GALNT14: variants seen among roughly 807,000 people sequenced by gnomAD.
GALNT14 encodes the protein UDP-GalNAc:polypeptide N-acetylgalactosaminyltransferase 14.
Under a neutral mutation model 77.5 loss-of-function variants are expected in GALNT14, and 60 were observed. The ratio of observed to expected loss-of-function variants is 0.77; its 90% CI spans 0.63 to 0.96. The LOEUF is 0.96. GALNT14 is among the 40% of genes least tolerant of loss of function. The pLI is 0.00. For missense variants in GALNT14, 710 were observed against 731.0 expected, an observed-to-expected ratio of 0.97 and a Z score of 0.33; for synonymous variants, 280 against 281.7, an observed-to-expected ratio of 0.99 and a Z score of 0.06.
chr2:30,908,333 T>G (rs2148188525), downstream of GALNT14, among the ~76,000 whole-genome samples: 1 of 152,134 alleles, frequency 6.6e-6, no homozygotes, highest in South Asian at 2.1e-4. Context: ...GCCCAAAATC[T>G]TAAGCTGATA....
At chr2:31,099,500 T>C (rs1677162238) in intron 1 of GALNT14, among the ~76,000 whole-genome samples, 2 of 152,106 alleles carry the variant, frequency 1.3e-5, no homozygotes, top group Admixed American at 6.6e-5. Flanking sequence ...GCACCCTGTG[T>C]GTTTCCTTCT....
intron 1 of GALNT14, among the ~76,000 whole-genome samples, chr2:31,115,630 G>A (rs988551599): frequency 1.3e-5 from 2 of 152,230 alleles, no homozygotes; most frequent in East Asian, 3.8e-4. Flanking sequence ...AGTTCTAGAA[G>A]TGTTAAATTA....
intron 1 of GALNT14, among the ~76,000 whole-genome samples, chr2:31,084,145 G>A (rs144526679): frequency 3.9e-5 from 6 of 152,300 alleles, no homozygotes; most frequent in African/African-American, 1.2e-4. Context: ...TGGCCACTGT[G>A]TGGGATACTT....
intron 2 of GALNT14, among the ~76,000 whole-genome samples, chr2:30,970,588 G>A (rs751190851): frequency 6.6e-6 from 1 of 152,064 alleles, no homozygotes; most frequent in African/African-American, 2.4e-5. Flanking sequence ...CCATGGAGAC[G>A]ACGCAGTTAA....
intron 1 of GALNT14, among the ~76,000 whole-genome samples, chr2:31,091,520 A>T (rs1404262732): frequency 6.6e-6 from 1 of 152,272 alleles, no homozygotes; most frequent in Non-Finnish European, 1.5e-5. Context: ...GAAAGGATCT[A>T]GAATGAGTCA....
intron 11 of GALNT14, among the ~76,000 whole-genome samples, chr2:30,926,050 A>G (rs540774248): frequency 3.4e-4 from 52 of 152,132 alleles, no homozygotes; most frequent in African/African-American, 1.1e-3. Context: ...TTCCTGTCCA[A>G]CTCACTTCCT....
intron 1 of GALNT14, among the ~76,000 whole-genome samples, chr2:31,051,650 T>C (rs77878787): frequency 0.017 from 2,540 of 152,236 alleles, 74 homozygotes; most frequent in African/African-American, 0.057. Flanking sequence ...CTCTGTTTCT[T>C]TGAAGAACCT....
chr2:30,896,645 TTGTG>T, the GALNT14 span, among the ~76,000 whole-genome samples: 16 of 152,242 alleles, frequency 1.1e-4, no homozygotes, highest in Admixed American at 9.8e-4. Context: ...AGTATTTCTC[TTGTG>T]TGTGTGTGTT....
At chr2:31,132,828 A>G in intron 1 of GALNT14, 1 of 429,388 alleles carries the variant, frequency 2.3e-6, no homozygotes, top group East Asian at 7.3e-5. Context: ...ATGGTTTAGG[A>G]GTCATGCAGC....
chr2:31,101,407 C>A (rs867089291), intron 1 of GALNT14, among the ~76,000 whole-genome samples: 5 of 152,020 alleles, frequency 3.3e-5, no homozygotes, highest in South Asian at 2.1e-4. Flanking sequence ...TGTTTCTCTT[C>A]TTTTTCTATG....
At position 31,092,839 on chromosome 2, in the gene GALNT14, G is replaced by A. The variant is rs114807661; in HGVS notation, c.129+45119C>T. Among the ~76,000 whole-genome samples the A allele has an allele frequency of 3.5e-3, 527 of 152,236 alleles. 1 individual carries two copies. The highest frequency in any genetic ancestry group is 0.012 in the African/African-American group (510 of 41,556). ...ACATGGGTACCCTTTCATTAGGTTGGTGCAAAAGTAATTGTGGTTTGGGCC... is the reference window on the plus strand; with the variant it reads ...ACATGGGTACCCTTTCATTAGGTTGATGCAAAAGTAATTGTGGTTTGGGCC... On this transcript the variant is annotated intron_variant, in intron 1 of 14. Coordinates refer to ENST00000349752, the MANE Select transcript of GALNT14 (RefSeq NM_024572.4).
the GALNT14 span, among the ~76,000 whole-genome samples, chr2:30,891,786 G>A: frequency 3.9e-5 from 6 of 152,050 alleles, no homozygotes; most frequent in Non-Finnish European, 8.8e-5. Flanking sequence ...GCCTCTCCCC[G>A]AGAGAATGAG....
intron 6 of GALNT14, among the ~76,000 whole-genome samples, chr2:30,953,434 G>A (rs944402454): frequency 4.0e-5 from 6 of 149,826 alleles, no homozygotes; most frequent in African/African-American, 9.8e-5. Context: ...TCAGCCTCCC[G>A]AGTAGCTGGG....
chr2:31,007,178 G>A (rs147921870), intron 1 of GALNT14, among the ~76,000 whole-genome samples: 8 of 152,318 alleles, frequency 5.3e-5, no homozygotes, highest in Non-Finnish European at 1.2e-4. Flanking sequence ...GGATAGGGCA[G>A]GATGGCTGCC....
At chr2:31,046,036 T>C (rs908160566) in intron 1 of GALNT14, among the ~76,000 whole-genome samples, 2 of 152,214 alleles carry the variant, frequency 1.3e-5, no homozygotes, top group Non-Finnish European at 2.9e-5. Context: ...GAACAAGTTA[T>C]GAGCAGCCAT....
In GALNT14 at chr2:31,061,781, A is replaced by G. The variant is rs141661944; in HGVS notation, c.130-68774T>C. Among the ~76,000 whole-genome samples, 230 of 152,268 alleles carry G rather than the reference A, an allele frequency of 1.5e-3. 1 individual carries two copies. The highest frequency in any genetic ancestry group is 5.3e-3 in the African/African-American group (219 of 41,552). ...TTCCCCTGCCGAGTATGTTCTTTCC[A>G]TTATTCCTCATCCTTTAAACTTAGT... On this transcript the variant is annotated intron_variant, in intron 1 of 14. Transcript: ENST00000349752.
intron 1 of GALNT14, among the ~76,000 whole-genome samples, chr2:31,032,919 G>A (rs949383185): frequency 6.6e-6 from 1 of 152,068 alleles, no homozygotes; most frequent in African/African-American, 2.4e-5. Context: ...GTCCTAAGGG[G>A]GCCCACTGGA....
chr2:30,936,223 G>C (rs1162268183), intron 9 of GALNT14, among the ~76,000 whole-genome samples: 1 of 151,850 alleles, frequency 6.6e-6, no homozygotes, highest in Non-Finnish European at 1.5e-5. Context: ...GATCAGTAGT[G>C]CTTACCACCC....
intron 1 of GALNT14, among the ~76,000 whole-genome samples, chr2:31,073,631 GC>G (rs201746719): frequency 0.022 from 3,359 of 152,228 alleles, 48 homozygotes; most frequent in Middle Eastern, 0.041. Flanking sequence ...CGGGACTGGG[GC>G]AGGAAAGTGA....
Sources: gnomAD v4.1 joint callset for allele counts (sites outside exome capture counted in the v4.1 genomes callset) on GRCh38, gnomAD v4.1.1 for gene constraint, MANE v1.5 for transcripts, NCBI Gene and HGNC (gene_info 2026-07-23, HGNC 2026-07-21) for gene names.